Variants in NAV3 observed in about 807,000 individuals in gnomAD.
The protein encoded by NAV3 is pore membrane and/or filament interacting like protein 1.
NAV3 carries 87 observed loss-of-function variants against 244.7 expected under a neutral mutation model. The ratio of observed to expected loss-of-function variants is 0.36; its 90% CI spans 0.30 to 0.42. The LOEUF is 0.42. Among genes scored for constraint, NAV3 ranks in the 20% least tolerant of loss-of-function variants. The pLI is 1.00. For synonymous variants in NAV3, 1,126 were observed against 1,042.2 expected, an observed-to-expected ratio of 1.08 and a Z score of -1.55; for missense variants, 2,663 against 2,893.3, an observed-to-expected ratio of 0.92 and a Z score of 1.83.
At chr12:77,790,970 C>G (rs1871151081) in intron 2 of NAV3, among the ~76,000 whole-genome samples, 1 of 152,256 alleles carries the variant, frequency 6.6e-6, no homozygotes, top group South Asian at 2.1e-4. Flanking sequence ...TAGTGTTTTC[C>G]CTCAAAGGAG....
At chr12:77,572,305 C>T (rs918564897) in intron 2 of NAV3, 1 of 154,262 alleles carries the variant, frequency 6.5e-6, no homozygotes, top group Non-Finnish European at 1.5e-5. Context: ...TTTTTGTTTA[C>T]ACTTAAAGAG....
chr12:77,952,436 A>G (rs1257381167), intron 3 of NAV3, among the ~76,000 whole-genome samples: 1 of 152,010 alleles, frequency 6.6e-6, no homozygotes, highest in Non-Finnish European at 1.5e-5. Flanking sequence ...TGGGCTCTCT[A>G]TTCTGTTCCA....
chr12:77,703,616 A>G (rs1875658851), intron 2 of NAV3, among the ~76,000 whole-genome samples: 1 of 152,196 alleles, frequency 6.6e-6, no homozygotes, highest in Non-Finnish European at 1.5e-5. Flanking sequence ...CAAAATAGTT[A>G]TAACATTTTC....
At chr12:77,830,239 G>C (rs1483159559), upstream of NAV3, among the ~76,000 whole-genome samples, 2 of 152,152 alleles carry the variant, frequency 1.3e-5, no homozygotes, top group African/African-American at 4.8e-5. Context: ...GGGATTTTAA[G>C]TTGGACGTCA....
chr12:77,902,679 A>G (rs969662403), intron 1 of NAV3, among the ~76,000 whole-genome samples: 3 of 152,172 alleles, frequency 2.0e-5, no homozygotes, highest in African/African-American at 4.8e-5. Context: ...AGGGTATTCA[A>G]TTAGGAAAAG....
At chr12:78,002,750 G>A (rs900280017) in intron 7 of NAV3, among the ~76,000 whole-genome samples, 22 of 151,846 alleles carry the variant, frequency 1.4e-4, no homozygotes, top group Non-Finnish European at 1.9e-4. Flanking sequence ...CCTAAAATAC[G>A]TTGTTAATGT....
At position 77,793,153 on chromosome 12, in the gene NAV3, T is replaced by TA. The variant is rs1358274589; in HGVS notation, c.73-147160dup. ...ATAATGGCATGTGTGAATGAGTAAA[T>TA]AAAAAATATTATAGCTATTAACCTT... On this transcript the variant is annotated intron_variant, in intron 2 of 8. Coordinates refer to the NAV3 transcript ENST00000550042. Among the ~76,000 whole-genome samples, 5 of 152,010 alleles carry TA rather than the reference T, an allele frequency of 3.3e-5. No homozygotes were observed. In the East Asian group the frequency reaches 5.8e-4, roughly 18 times the overall value.
At chr12:78,160,149 C>T (rs1039475269) in intron 23 of NAV3, among the ~76,000 whole-genome samples, 2 of 151,962 alleles carry the variant, frequency 1.3e-5, no homozygotes, top group Non-Finnish European at 2.9e-5. Flanking sequence ...TATCAAAATA[C>T]TTAAAATGAA....
At chr12:77,723,798 T>C (rs1019649642) in intron 2 of NAV3, among the ~76,000 whole-genome samples, 5 of 137,462 alleles carry the variant, frequency 3.6e-5, no homozygotes, top group Non-Finnish European at 7.7e-5. Context: ...TCTATTATAA[T>C]AGGTCCCATT....
intron 12 of NAV3, among the ~76,000 whole-genome samples, chr12:78,071,372 T>C (rs530036003): frequency 1.3e-5 from 2 of 152,212 alleles, no homozygotes; most frequent in South Asian, 4.2e-4. Flanking sequence ...TGTCTGTTCA[T>C]GTCCTTCACC....
intron 2 of NAV3, among the ~76,000 whole-genome samples, chr12:77,581,937 G>A (rs1869385170): frequency 6.6e-6 from 1 of 152,176 alleles, no homozygotes; most frequent in Admixed American, 6.6e-5. Flanking sequence ...GCATAACAGT[G>A]TGGGTTAGGC....
chr12:77,585,022 T>C (rs1286392443), intron 2 of NAV3, among the ~76,000 whole-genome samples: 8 of 152,232 alleles, frequency 5.3e-5, no homozygotes, highest in Admixed American at 1.3e-4. Context: ...GCCTCAGTCC[T>C]GCTACACATC....
intron 5 of NAV3, among the ~76,000 whole-genome samples, chr12:77,981,025 T>C (rs1869463403): frequency 6.6e-6 from 1 of 152,174 alleles, no homozygotes; most frequent in Non-Finnish European, 1.5e-5. Context: ...CGTATTTCAC[T>C]AAAAGGATAA....
At chr12:77,892,386 G>T (rs1185828815) in intron 1 of NAV3, among the ~76,000 whole-genome samples, 2 of 151,882 alleles carry the variant, frequency 1.3e-5, no homozygotes, top group Non-Finnish European at 2.9e-5. Flanking sequence ...CAAATTCATA[G>T]AGGGGGCAAG....
chr12:77,702,974 T>G (rs998120333), intron 2 of NAV3, among the ~76,000 whole-genome samples: 1 of 152,046 alleles, frequency 6.6e-6, no homozygotes, highest in African/African-American at 2.4e-5. Flanking sequence ...TGCTGACCAA[T>G]TGCCTCCATT....
chr12:77,746,367 C>T (rs1263091328), intron 2 of NAV3, among the ~76,000 whole-genome samples: 2 of 152,092 alleles, frequency 1.3e-5, no homozygotes, highest in Non-Finnish European at 2.9e-5. Context: ...CAGAAGTCAA[C>T]ACAGACAAGC....
chr12:78,057,495 T>A (rs1566072909), intron 11 of NAV3, among the ~76,000 whole-genome samples: 1 of 152,220 alleles, frequency 6.6e-6, no homozygotes, highest in Non-Finnish European at 1.5e-5. Context: ...GCACCACAGA[T>A]TCCTAATCTT....
intron 17 of NAV3, 73 bp downstream of exon 17, chr12:78,127,281 CTTTG>C (rs1265718584): frequency 2.1e-6 from 3 of 1,445,964 alleles, no homozygotes; most frequent in Non-Finnish European, 2.9e-6. Flanking sequence ...TCTCTTCCTT[CTTTG>C]TTTGTTTGCA....
At chr12:77,648,081 C>G in intron 2 of NAV3, among the ~76,000 whole-genome samples, 1 of 152,030 alleles carries the variant, frequency 6.6e-6, no homozygotes, top group East Asian at 1.9e-4. Flanking sequence ...AGATTTTGGT[C>G]TGTTTGAAAA....
Sources: gnomAD v4.1 joint callset for allele counts (sites outside exome capture counted in the v4.1 genomes callset) on GRCh38, gnomAD v4.1.1 for gene constraint, MANE v1.5 for transcripts, NCBI Gene and HGNC (gene_info 2026-07-23, HGNC 2026-07-21) for gene names.